NTN1: variants seen among roughly 807,000 people sequenced by gnomAD.
The protein encoded by NTN1 is netrin 1.
A neutral mutation model predicts 54.2 loss-of-function variants in NTN1; 11 were observed. The ratio of observed to expected loss-of-function variants is 0.20; its 90% CI spans 0.13 to 0.34. The LOEUF is 0.34. Ranked by LOEUF, NTN1 falls within the 10% of genes least tolerant of loss-of-function variation. The pLI is 1.00. For missense variants in NTN1, 740 were observed against 893.1 expected, an observed-to-expected ratio of 0.83 and a Z score of 2.18; for synonymous variants, 371 against 382.0, an observed-to-expected ratio of 0.97 and a Z score of 0.33.
chr17:9,069,799 C>T (rs2142214362), intron 2 of NTN1, among the ~76,000 whole-genome samples: 1 of 152,326 alleles, frequency 6.6e-6, no homozygotes, highest in South Asian at 2.1e-4. Flanking sequence ...GCATTAACAA[C>T]ACATTTAAAG....
At chr17:9,223,294 G>A (rs1905427148) in intron 6 of NTN1, among the ~76,000 whole-genome samples, 1 of 152,212 alleles carries the variant, frequency 6.6e-6, no homozygotes, top group African/African-American at 2.4e-5. Context: ...GCTCACGCCT[G>A]TAATCCCAGC....
chr17:9,094,988 CAAAAAAAAAAAA>C (rs71135941), intron 2 of NTN1, among the ~76,000 whole-genome samples: 2 of 99,924 alleles, frequency 2.0e-5, no homozygotes, highest in Admixed American at 1.1e-4. Context: ...GACTCCGTCT[CAAAAAAAAAAAA>C]AAAAAAAAAA....
At chr17:9,008,813 C>T in the NTN1 span, among the ~76,000 whole-genome samples, 4 of 152,304 alleles carry the variant, frequency 2.6e-5, no homozygotes, top group Admixed American at 6.5e-5. Context: ...ATTTGCCCAG[C>T]ATCACGGAGA....
chr17:9,070,084 G>A (rs2092027642), intron 2 of NTN1, among the ~76,000 whole-genome samples: 1 of 152,158 alleles, frequency 6.6e-6, no homozygotes, highest in Non-Finnish European at 1.5e-5. Context: ...GGACTAAGAG[G>A]TTGGACCCTG....
chr17:9,203,524 C>T (rs910442953), intron 5 of NTN1, among the ~76,000 whole-genome samples: 23 of 152,004 alleles, frequency 1.5e-4, no homozygotes, highest in Non-Finnish European at 2.9e-4. Context: ...ACTGGTTGGG[C>T]GCGGTGGCTA....
chr17:9,204,176 G>GTTCCTTCCTTCCTTCCCTCC (rs1328289799), intron 5 of NTN1, among the ~76,000 whole-genome samples: 2 of 117,420 alleles, frequency 1.7e-5, no homozygotes, highest in African/African-American at 4.2e-5. Flanking sequence ...CTTAGTAACC[G>GTTCCTTCCTTCCTTCCCTCC]TTCCTTCCTT....
At chr17:9,234,244 G>C (rs1261183567) in intron 6 of NTN1, among the ~76,000 whole-genome samples, 1 of 152,232 alleles carries the variant, frequency 6.6e-6, no homozygotes, top group African/African-American at 2.4e-5. Context: ...TTCTTGGAAT[G>C]AAAGACCTTC....
intron 6 of NTN1, among the ~76,000 whole-genome samples, chr17:9,232,737 A>AC (rs1234792197): frequency 1.3e-5 from 2 of 151,978 alleles, no homozygotes; most frequent in East Asian, 1.9e-4. Flanking sequence ...GGCCACGGTG[A>AC]CCCCCCGTCC....
intron 6 of NTN1, among the ~76,000 whole-genome samples, chr17:9,230,811 G>A (rs969114580): frequency 6.6e-6 from 1 of 152,296 alleles, no homozygotes; most frequent in African/African-American, 2.4e-5. Flanking sequence ...CTCCTTCCCT[G>A]GAGCTTCCTC....
intron 2 of NTN1, among the ~76,000 whole-genome samples, chr17:9,075,529 CTT>C (rs1567704282): frequency 6.6e-6 from 1 of 152,102 alleles, no homozygotes; most frequent in African/African-American, 2.4e-5. Context: ...ATAAAAAAAA[CTT>C]AAATAAAACG....
At chr17:9,197,567 C>T (rs181231708) in intron 5 of NTN1, among the ~76,000 whole-genome samples, 167 of 148,894 alleles carry the variant, frequency 1.1e-3, no homozygotes, top group African/African-American at 3.7e-3. Context: ...GGCTGAGGCA[C>T]GAGAAACACT....
intron 2 of NTN1, among the ~76,000 whole-genome samples, chr17:9,029,691 C>T (rs1450065264): frequency 6.6e-6 from 1 of 152,180 alleles, no homozygotes; most frequent in African/African-American, 2.4e-5. Context: ...TTTTAATTTG[C>T]GTTTTAAAAG....
intron 2 of NTN1, among the ~76,000 whole-genome samples, chr17:9,154,983 G>T (rs1420941069): frequency 6.6e-6 from 1 of 152,078 alleles, no homozygotes; most frequent in African/African-American, 2.4e-5. Context: ...CCCCATCAGA[G>T]CCTGCATTTG....
At chr17:9,182,782 A>G in intron 4 of NTN1, 134 bp from the exon 5 acceptor site, 1 of 889,568 alleles carries the variant, frequency 1.1e-6, no homozygotes. Context: ...TCTTGAGCCA[A>G]GGAGTGGGAA....
rs1567694644 is a variant in NTN1 at position 9,031,808 on chromosome 17, A to AAAC, written c.1018+8419_1018+8420insCAA. Among the ~76,000 whole-genome samples the AAAC allele has an allele frequency of 3.0e-3, 449 of 152,070 alleles. 2 individuals are homozygous for AAAC. Among genetic ancestry groups the AAAC allele is most frequent in the African/African-American group, 0.01 (434 of 41,466 alleles). On this transcript the variant is annotated intron_variant, in intron 2 of 6. Transcript: ENST00000173229. ...AAAAATACAAAAACAAACAAACAAA[A>AAAC]AAAACTAGCCTGGCATGGTGGCCCA...
At chr17:9,154,609 C>T (rs1188383064) in intron 2 of NTN1, among the ~76,000 whole-genome samples, 1 of 152,022 alleles carries the variant, frequency 6.6e-6, no homozygotes, top group Non-Finnish European at 1.5e-5. Context: ...GCTGGAGTTG[C>T]TCCACCCAGC....
intron 2 of NTN1, among the ~76,000 whole-genome samples, chr17:9,038,998 A>T (rs2091912894): frequency 6.6e-6 from 1 of 152,186 alleles, no homozygotes; most frequent in South Asian, 2.1e-4. Flanking sequence ...TTCAGTGACA[A>T]CTATTGAGAA....
intron 2 of NTN1, among the ~76,000 whole-genome samples, chr17:9,030,768 A>G (rs2091886260): frequency 6.6e-6 from 1 of 152,156 alleles, no homozygotes; most frequent in South Asian, 2.1e-4. Context: ...AAAAAAAGAA[A>G]GAAAAGAAAG....
chr17:9,188,265 C>G (rs538279827), intron 5 of NTN1, among the ~76,000 whole-genome samples: 1 of 151,972 alleles, frequency 6.6e-6, no homozygotes, highest in Non-Finnish European at 1.5e-5. Context: ...CCCATCTCTA[C>G]TAAAAGTACA....
Sources: allele counts gnomAD v4.1 joint callset (sites outside exome capture counted in the v4.1 genomes callset), GRCh38; gene constraint gnomAD v4.1.1; transcripts MANE v1.5; gene names NCBI Gene and HGNC (gene_info 2026-07-23, HGNC 2026-07-21).